Variants in IFFO2 observed in about 807,000 individuals in gnomAD.
IFFO2 encodes intermediate filament family orphan 2.
In IFFO2, 19 loss-of-function variants were observed where a neutral mutation model predicts 53.5. That is an observed-to-expected ratio of 0.36 (90% CI 0.25 to 0.52). The LOEUF (loss-of-function observed/expected upper bound fraction) is 0.52. Among genes scored for constraint, IFFO2 ranks in the 20% least tolerant of loss-of-function variants. The pLI is 0.94. For missense variants in IFFO2, 570 were observed against 727.4 expected (o/e 0.78, Z 2.49); for synonymous variants, 303 against 313.6 (o/e 0.97, Z 0.36).
chr1:18,935,935 G>A (rs1365039423), intron 1 of IFFO2, among the ~76,000 whole-genome samples: 1 of 136,930 alleles, frequency 7.3e-6, no homozygotes, highest in East Asian at 2.1e-4. Context: ...TCAAACTCCT[G>A]GGCTGAAGCG....
chr1:18,938,031 A>C (rs1226548500), intron 1 of IFFO2, among the ~76,000 whole-genome samples: 1 of 152,268 alleles, frequency 6.6e-6, no homozygotes, highest in Non-Finnish European at 1.5e-5. Context: ...GAGATGGTCC[A>C]GGCCAGCATG....
rs1569840988 is a variant in IFFO2, at chr1:18,919,839, A to G, written c.727-66T>C. ...CCTCTGGGGATAGGAGGGTCTGGAC[A>G]CCTGAGTCCAGAGCCCTAGGCACCC... On this transcript the variant is annotated intron_variant, in intron 2 of 8. Transcript: ENST00000455833. The surrounding 1 kb of genome is among the most constrained non-coding windows in gnomAD (Gnocchi z 4.9). 2 of 1,149,904 alleles carry G rather than the reference A, an allele frequency of 1.7e-6. No individual in the cohort carries two copies. Among genetic ancestry groups the G allele is most frequent in the Non-Finnish European group, 1.3e-6 (1 of 789,088 alleles). The allele number at this position is 1,149,904 out of a possible 1,614,324, so 71.2% of individuals were successfully genotyped here. A position where few individuals can be genotyped will look rare whatever the true frequency, so the allele number is the denominator to read the frequency against.
At chr1:18,908,728 G>T in intron 8 of IFFO2, 62 bp from the exon 9 acceptor site, 1 of 1,239,262 alleles carries the variant, frequency 8.1e-7, no homozygotes, top group Non-Finnish European at 1.2e-6. Flanking sequence ...AAGGGTCAAG[G>T]AGTGGGAAGG....
chr1:18,924,882 G>A (rs1333674061), intron 1 of IFFO2, among the ~76,000 whole-genome samples: 1 of 152,188 alleles, frequency 6.6e-6, no homozygotes, highest in Non-Finnish European at 1.5e-5. Flanking sequence ...TCTCTGCAGG[G>A]CCTTTCCATA....
intron 1 of IFFO2, among the ~76,000 whole-genome samples, chr1:18,934,798 A>T (rs1325744516): frequency 6.6e-6 from 1 of 152,152 alleles, no homozygotes; most frequent in Non-Finnish European, 1.5e-5. Context: ...CTAACAATAT[A>T]CGGCAGCATC....
chr1:18,937,547 A>G (rs2148183096), intron 1 of IFFO2, among the ~76,000 whole-genome samples: 1 of 152,336 alleles, frequency 6.6e-6, no homozygotes, highest in East Asian at 1.9e-4. Flanking sequence ...GAGAGAAGTC[A>G]GTCCCCTTAA....
In IFFO2 at chr1:18,919,828, AG is replaced by A. The variant is rs1413450322; in HGVS notation, c.727-56del. The A allele has an allele frequency of 1.5e-6, 2 of 1,300,118 alleles. No homozygotes were observed. Among genetic ancestry groups the A allele is most frequent in the African/African-American group, 2.9e-5 (2 of 67,936 alleles). 80.5% of individuals were successfully genotyped at this position (1,300,118 alleles called of 1,614,324 possible). On this transcript the variant is annotated intron_variant, in intron 2 of 8. Transcript: ENST00000455833. This position sits in a 1 kb window ranked among gnomAD's most constrained non-coding sequence, Gnocchi z 4.9. ...AGGGGCCGGGTCCTCTGGGGATAGGAGGGTCTGGACACCTGAGTCCAGAGCC... is the reference window on the plus strand; with the variant it reads ...AGGGGCCGGGTCCTCTGGGGATAGGAGGTCTGGACACCTGAGTCCAGAGCC...
chr1:18,927,527 T>A (rs556126685), intron 1 of IFFO2, among the ~76,000 whole-genome samples: 1 of 152,196 alleles, frequency 6.6e-6, no homozygotes, highest in African/African-American at 2.4e-5. Flanking sequence ...CAGGGAGCTG[T>A]GCTGGAGCCC....
chr1:18,941,895 G>A (rs1206908671), intron 1 of IFFO2, among the ~76,000 whole-genome samples: 1 of 152,122 alleles, frequency 6.6e-6, no homozygotes, highest in African/African-American at 2.4e-5. Flanking sequence ...GCCCTCCTAG[G>A]AGCCACAGGC....
intron 1 of IFFO2, among the ~76,000 whole-genome samples, chr1:18,940,181 C>T (rs114869086): frequency 6.6e-6 from 1 of 152,298 alleles, no homozygotes; most frequent in Non-Finnish European, 1.5e-5. Flanking sequence ...CCAGCAACTC[C>T]CGAAAAGCCA....
chr1:18,950,342 T>C (rs1302772156), intron 1 of IFFO2, among the ~76,000 whole-genome samples: 2 of 152,106 alleles, frequency 1.3e-5, no homozygotes, highest in African/African-American at 4.8e-5. Context: ...GAACAGACTT[T>C]GCCAGGGGAA....
Position 18,926,109 on chromosome 1 carries a change from G to A in IFFO2, c.666-4988C>T, listed in dbSNP as rs1344734720. On this transcript the variant is annotated intron_variant, in intron 1 of 8. Transcript: ENST00000455833. ...GGATGGATGGATGGATGGATTGGTT[G>A]GATGGATAGATGGATGGATGGATGG... is the stretch of plus-strand genomic sequence containing the variant. Among the ~76,000 whole-genome samples, 15 of 92,038 alleles carry A rather than the reference G, an allele frequency of 1.6e-4. 1 individual carries two copies. The highest frequency in any genetic ancestry group is 5.9e-4 in the African/African-American group (12 of 20,414). 60.4% of individuals were successfully genotyped at this position (92,038 alleles called of 152,430 possible). A position where few individuals can be genotyped will look rare whatever the true frequency, so the allele number is the denominator to read the frequency against.
At position 18,904,331 on chromosome 1, in the gene IFFO2, A is replaced by G. The variant is rs1259783074; in HGVS notation, c.*4230T>C. On this transcript the variant is annotated 3_prime_UTR_variant, in exon 9 of 9. Coordinates refer to ENST00000455833, the MANE Select transcript of IFFO2 (RefSeq NM_001136265.2). ...TAAAAGAAGCCAATATACAGGATATAAAGGGCATGATATTTACAACAGTAC... is the reference window on the plus strand; with the variant it reads ...TAAAAGAAGCCAATATACAGGATATGAAGGGCATGATATTTACAACAGTAC... 1.3e-5 allele frequency: 2 copies of G among 152,200 alleles called. No individual in the cohort carries two copies. Among genetic ancestry groups the G allele is most frequent in the Non-Finnish European group, 2.9e-5 (2 of 68,042 alleles). 9.4% of individuals were successfully genotyped at this position (152,200 alleles called of 1,614,324 possible).
intron 2 of IFFO2, among the ~76,000 whole-genome samples, chr1:18,920,257 C>A (rs544468588): frequency 6.8e-4 from 103 of 152,224 alleles, no homozygotes; most frequent in African/African-American, 2.4e-3. Context: ...CTATAGTTTC[C>A]ACATATTTGA....
intron 5 of IFFO2, among the ~76,000 whole-genome samples, chr1:18,913,938 T>TCTCC (rs570059762): frequency 6.8e-6 from 1 of 147,994 alleles, no homozygotes; most frequent in African/African-American, 2.6e-5. Context: ...TTCACGCCAT[T>TCTCC]CTCCTGCCTC....
intron 1 of IFFO2, among the ~76,000 whole-genome samples, chr1:18,942,106 TGTGCC>T (rs1172906672): frequency 6.6e-6 from 1 of 152,220 alleles, no homozygotes; most frequent in Admixed American, 6.5e-5. Context: ...CAGTTCTCAC[TGTGCC>T]GCGTTTTCCT....
rs1348739729 is a variant in IFFO2 at position 18,916,834 on chromosome 1, C to A, written c.1103+69G>T. 16 of 1,521,230 alleles carry A rather than the reference C, an allele frequency of 1.1e-5. No individual in the cohort carries two copies. In the East Asian group the frequency reaches 3.9e-4, roughly 38 times the overall value. The allele number at this position is 1,521,230 out of a possible 1,614,324, so 94.2% of individuals were successfully genotyped here. A position where few individuals can be genotyped will look rare whatever the true frequency, so the allele number is the denominator to read the frequency against. On this transcript the variant is annotated intron_variant, in intron 5 of 8. Transcript: ENST00000455833. This position sits in a 1 kb window ranked among gnomAD's most constrained non-coding sequence, Gnocchi z 4.3. ...GCTGCAGGCTACTCTCAGCCCAAGC[C>A]TCCCATTCACCGCCCCTGTGCAAGC...
At chr1:18,940,894 C>T (rs537712873) in intron 1 of IFFO2, among the ~76,000 whole-genome samples, 1 of 152,196 alleles carries the variant, frequency 6.6e-6, no homozygotes, top group Non-Finnish European at 1.5e-5. Context: ...AAGTCCCCCC[C>T]AAAAGCCATG....
At chr1:18,910,551 T>A in intron 7 of IFFO2, 79 bp from the exon 8 acceptor site, 1 of 1,512,086 alleles carries the variant, frequency 6.6e-7, no homozygotes, top group Non-Finnish European at 8.9e-7. Context: ...TCCTCCTGGA[T>A]TCCTCAGGGA....
Sources: gnomAD v4.1 joint callset for allele counts (sites outside exome capture counted in the v4.1 genomes callset) on GRCh38, gnomAD v4.1.1 for gene constraint, Gnocchi (gnomAD v3.1) non-coding constraint, MANE v1.5 for transcripts, NCBI Gene and HGNC (gene_info 2026-07-23, HGNC 2026-07-21) for gene names.